TRAPPC9: variants seen among roughly 807,000 people sequenced by gnomAD.
TRAPPC9 encodes the protein IKK2 binding protein.
In TRAPPC9, 83 loss-of-function variants were observed where a neutral mutation model predicts 124.0. The observed-to-expected ratio is 0.67, with a 90% CI of 0.56 to 0.80. The LOEUF is 0.80. Among genes scored for constraint, TRAPPC9 ranks in the 30% least tolerant of loss-of-function variants. The pLI is 0.00. For synonymous variants in TRAPPC9, 638 were observed against 617.5 expected (o/e 1.03, Z -0.49); for missense variants, 1,302 against 1,508.3 (o/e 0.86, Z 2.27).
At chr8:140,398,203 C>T (rs1478127093) in intron 6 of TRAPPC9, among the ~76,000 whole-genome samples, 2 of 152,256 alleles carry the variant, frequency 1.3e-5, no homozygotes, top group East Asian at 3.9e-4. Flanking sequence ...TGTAAATTGC[C>T]CAGTCTCAGG....
At chr8:140,416,672 C>T (rs1048970313) in intron 5 of TRAPPC9, among the ~76,000 whole-genome samples, 3 of 152,066 alleles carry the variant, frequency 2.0e-5, no homozygotes, top group Non-Finnish European at 4.4e-5. Flanking sequence ...CAATGCTATC[C>T]CCATCAAGCT....
chr8:139,949,447 C>A (rs957209874), intron 19 of TRAPPC9, among the ~76,000 whole-genome samples: 3 of 152,160 alleles, frequency 2.0e-5, no homozygotes, highest in African/African-American at 7.2e-5. Flanking sequence ...CACACAAGAG[C>A]ACACACAGTA....
At chr8:140,335,473 A>G (rs1353069039) in intron 9 of TRAPPC9, among the ~76,000 whole-genome samples, 2 of 152,136 alleles carry the variant, frequency 1.3e-5, no homozygotes, top group Admixed American at 1.3e-4. Flanking sequence ...GAAAATGCCA[A>G]CACCCTTAAC....
At chr8:140,188,624 A>T (rs1345503568) in intron 17 of TRAPPC9, among the ~76,000 whole-genome samples, 1 of 152,124 alleles carries the variant, frequency 6.6e-6, no homozygotes, top group African/African-American at 2.4e-5. Context: ...TAAACATGGC[A>T]TTCCCCTTTA....
intron 21 of TRAPPC9, among the ~76,000 whole-genome samples, chr8:139,814,883 C>T (rs750465163): frequency 3.9e-5 from 6 of 152,216 alleles, no homozygotes; most frequent in Admixed American, 6.5e-5. Context: ...GCTTGCAGAG[C>T]AGGGTCTGGA....
chr8:139,969,345 T>C (rs1328995061), intron 19 of TRAPPC9, among the ~76,000 whole-genome samples: 1 of 152,248 alleles, frequency 6.6e-6, no homozygotes, highest in Non-Finnish European at 1.5e-5. Context: ...TCAAAGCCAC[T>C]GTCCTTTTAA....
At chr8:140,426,351 T>A (rs2070422242) in intron 5 of TRAPPC9, among the ~76,000 whole-genome samples, 1 of 152,174 alleles carries the variant, frequency 6.6e-6, no homozygotes, top group South Asian at 2.1e-4. Flanking sequence ...ATTCAAAGAA[T>A]TAAAGGCACA....
At chr8:139,764,857 G>A (rs375079562) in intron 21 of TRAPPC9, among the ~76,000 whole-genome samples, 110 of 152,284 alleles carry the variant, frequency 7.2e-4, no homozygotes, top group African/African-American at 2.6e-3. Flanking sequence ...AAGCATACAA[G>A]GAGTGAAGAA....
chr8:140,304,877 C>T (rs981786823), intron 10 of TRAPPC9, among the ~76,000 whole-genome samples: 7 of 152,118 alleles, frequency 4.6e-5, no homozygotes, highest in Non-Finnish European at 5.9e-5. Context: ...CAGGCCACAC[C>T]GCCCTGTCCT....
intron 21 of TRAPPC9, among the ~76,000 whole-genome samples, chr8:139,826,650 G>A (rs1371124244): frequency 6.6e-6 from 1 of 152,214 alleles, no homozygotes; most frequent in African/African-American, 2.4e-5. Flanking sequence ...AGGAGTGTGA[G>A]GCTGTCAGCC....
Position 140,101,534 on chromosome 8 carries a change from T to TG in TRAPPC9, c.2557-77456_2557-77455insC, listed in dbSNP as rs1224936312. 4.6e-4 allele frequency among the ~76,000 whole-genome samples: 61 copies of TG among 132,880 alleles called. 2 individuals carry two copies. The highest frequency in any genetic ancestry group is 5.3e-4 in the Non-Finnish European group (33 of 62,656). 87.2% of individuals were successfully genotyped at this position (132,880 alleles called of 152,430 possible). On this transcript the variant is annotated intron_variant, in intron 17 of 22. Transcript: ENST00000438773. ...TTGGGTTGGTTTTGTAGGGTTTTCTTTTTTTTGTTTTTTTTTTTTTTTTTT... is the reference window on the plus strand; with the variant it reads ...TTGGGTTGGTTTTGTAGGGTTTTCTTGTTTTTTGTTTTTTTTTTTTTTTTTT...
intron 17 of TRAPPC9, among the ~76,000 whole-genome samples, chr8:140,174,024 C>A (rs1330722428): frequency 1.3e-5 from 2 of 151,924 alleles, no homozygotes; most frequent in East Asian, 1.9e-4. Context: ...GCCATGGTAG[C>A]CATTATAATC....
intron 17 of TRAPPC9, among the ~76,000 whole-genome samples, chr8:140,076,822 T>G (rs1015333450): frequency 1.3e-5 from 2 of 152,240 alleles, no homozygotes; most frequent in African/African-American, 4.8e-5. Context: ...TAATTACATC[T>G]GACATAAACA....
At position 139,977,608 on chromosome 8, in the gene TRAPPC9, A is replaced by T. The variant is rs553057163; in HGVS notation, c.2810+11118T>A. Among the ~76,000 whole-genome samples, 3 of 96,144 alleles carry T rather than the reference A, an allele frequency of 3.1e-5. No individual in the cohort carries two copies. The East Asian group carries it at 1.4e-3, about 43-fold the overall frequency. The allele number at this position is 96,144 out of a possible 152,430, so 63.1% of individuals were successfully genotyped here. On this transcript the variant is annotated intron_variant, in intron 19 of 22. Transcript: ENST00000438773. ...ACTCCAGCCTGGGCGACAGAGTGAG[A>T]CTCTGTCTCAAAAAAAAAAAAAAAA...
chr8:140,243,851 G>A (rs1217697612), intron 16 of TRAPPC9, among the ~76,000 whole-genome samples: 1 of 152,234 alleles, frequency 6.6e-6, no homozygotes, highest in African/African-American at 2.4e-5. Flanking sequence ...TGTTCCCTAA[G>A]GCGGGGGCCC....
intron 9 of TRAPPC9, among the ~76,000 whole-genome samples, chr8:140,317,660 A>G (rs1379774817): frequency 6.6e-6 from 1 of 152,204 alleles, no homozygotes; most frequent in East Asian, 1.9e-4. Flanking sequence ...AACAACGAAA[A>G]ATAAAAGATT....
intron 17 of TRAPPC9, among the ~76,000 whole-genome samples, chr8:140,214,597 T>G (rs369156283): frequency 6.6e-6 from 1 of 152,192 alleles, no homozygotes; most frequent in Non-Finnish European, 1.5e-5. Flanking sequence ...CTCCCAACAA[T>G]CCTATGAAGG....
chr8:140,040,434 G>C (rs917142365), intron 17 of TRAPPC9: 1 of 152,274 alleles, frequency 6.6e-6, no homozygotes, highest in Admixed American at 6.5e-5. Context: ...TCACTCAGTC[G>C]CCCAGGCTGG....
At chr8:140,007,748 C>T (rs911410737) in intron 18 of TRAPPC9, among the ~76,000 whole-genome samples, 1 of 151,968 alleles carries the variant, frequency 6.6e-6, no homozygotes, top group African/African-American at 2.4e-5. Context: ...CTTATCAATA[C>T]AAAATCTTTA....
Sources: allele counts gnomAD v4.1 joint callset (sites outside exome capture counted in the v4.1 genomes callset), GRCh38; gene constraint gnomAD v4.1.1; transcripts MANE v1.5; gene names NCBI Gene and HGNC (gene_info 2026-07-23, HGNC 2026-07-21).